Variants in HAO1 observed in about 807,000 individuals in gnomAD.
HAO1 encodes the protein 2-Hydroxyacid oxidase 1.
In HAO1, 34 loss-of-function variants were observed where a neutral mutation model predicts 39.7. The ratio of observed to expected loss-of-function variants is 0.86; its 90% CI spans 0.65 to 1.14. The LOEUF (loss-of-function observed/expected upper bound fraction) is 1.14, where lower values mean the gene tolerates loss of function less well. Ranked by LOEUF, HAO1 falls within the 50% of genes most tolerant of loss-of-function variation. The pLI is 0.00. For synonymous variants in HAO1, 172 were observed against 173.2 expected (o/e 0.99, Z 0.05); for missense variants, 479 against 464.5 (o/e 1.03, Z -0.29).
chr20:7,892,764 G>C (rs1177740430), intron 5 of HAO1, among the ~76,000 whole-genome samples: 2 of 151,866 alleles, frequency 1.3e-5, no homozygotes, highest in African/African-American at 4.8e-5. Context: ...AGATAGATAG[G>C]TAGATAGATA....
At chr20:7,906,015 A>G in intron 4 of HAO1, 139 bp downstream of exon 4, 1 of 693,674 alleles carries the variant, frequency 1.4e-6, no homozygotes, top group South Asian at 1.7e-5. Flanking sequence ...ACTAACATGA[A>G]AACAGAGAAT....
chr20:7,936,109 G>A (rs1033295158), intron 1 of HAO1, among the ~76,000 whole-genome samples: 1 of 152,212 alleles, frequency 6.6e-6, no homozygotes, highest in African/African-American at 2.4e-5. Flanking sequence ...CTAAGGGTCT[G>A]TAATCTAACC....
intron 4 of HAO1, among the ~76,000 whole-genome samples, chr20:7,898,978 A>G (rs955852743): frequency 1.3e-5 from 2 of 151,914 alleles, no homozygotes; most frequent in African/African-American, 4.8e-5. Flanking sequence ...ACTTAAACAT[A>G]GACAATGGTA....
chr20:7,913,025 G>A (rs1183282310), intron 3 of HAO1, among the ~76,000 whole-genome samples: 1 of 152,202 alleles, frequency 6.6e-6, no homozygotes, highest in Non-Finnish European at 1.5e-5. Flanking sequence ...CACAGTCACT[G>A]AAATAGATAT....
chr20:7,916,225 A>G (rs759495628), intron 2 of HAO1, among the ~76,000 whole-genome samples: 1 of 152,220 alleles, frequency 6.6e-6, no homozygotes, highest in Non-Finnish European at 1.5e-5. Flanking sequence ...AGAAACTGAT[A>G]TAATGTTTAT....
chr20:7,898,159 G>C (rs2050205704), intron 4 of HAO1, among the ~76,000 whole-genome samples: 3 of 152,150 alleles, frequency 2.0e-5, no homozygotes, highest in Admixed American at 2.0e-4. Flanking sequence ...GAGCAGGATT[G>C]CTGGCAGGCA....
intron 4 of HAO1, among the ~76,000 whole-genome samples, chr20:7,905,640 G>T (rs2050244233): frequency 6.6e-6 from 1 of 152,156 alleles, no homozygotes; most frequent in South Asian, 2.1e-4. Flanking sequence ...TGATAATTGA[G>T]CATTTGACCA....
chr20:7,897,343 C>T (rs894265990), intron 4 of HAO1, among the ~76,000 whole-genome samples: 2 of 152,136 alleles, frequency 1.3e-5, no homozygotes, highest in Non-Finnish European at 2.9e-5. Context: ...AATTGTTGGT[C>T]TTTAATAATT....
At chr20:7,918,221 C>A (rs143919030) in intron 2 of HAO1, among the ~76,000 whole-genome samples, 1 of 152,174 alleles carries the variant, frequency 6.6e-6, no homozygotes, top group Non-Finnish European at 1.5e-5. Flanking sequence ...TGAGTGATCA[C>A]TCTGATCTCA....
chr20:7,904,778 GTGAA>G (rs1193410942), intron 4 of HAO1, among the ~76,000 whole-genome samples: 1 of 152,144 alleles, frequency 6.6e-6, no homozygotes, highest in Non-Finnish European at 1.5e-5. Context: ...GAATGAGTGA[GTGAA>G]TAAGAGAATG....
At chr20:7,926,404 G>T (rs2050359461) in intron 2 of HAO1, among the ~76,000 whole-genome samples, 1 of 152,090 alleles carries the variant, frequency 6.6e-6, no homozygotes, top group African/African-American at 2.4e-5. Context: ...GTAAAATTGA[G>T]AATAATGGGG....
At chr20:7,901,669 A>G (rs1423714171) in intron 4 of HAO1, among the ~76,000 whole-genome samples, 2 of 152,226 alleles carry the variant, frequency 1.3e-5, no homozygotes, top group Admixed American at 1.3e-4. Flanking sequence ...CCCATGGATC[A>G]AGGAGTAATT....
intron 3 of HAO1, among the ~76,000 whole-genome samples, chr20:7,909,001 A>C (rs1215298010): frequency 6.6e-6 from 1 of 152,144 alleles, no homozygotes; most frequent in East Asian, 1.9e-4. Flanking sequence ...AGAAAAAGAA[A>C]AACATCTGTA....
intron 3 of HAO1, among the ~76,000 whole-genome samples, chr20:7,909,024 C>G (rs999262047): frequency 6.6e-6 from 1 of 152,032 alleles, no homozygotes; most frequent in African/African-American, 2.4e-5. Context: ...TGTATGTAGT[C>G]TGCATGGCAC....
At chr20:7,934,699 G>T in intron 1 of HAO1, 64 bp from the exon 2 acceptor site, 2 of 972,330 alleles carry the variant, frequency 2.1e-6, no homozygotes, top group South Asian at 4.7e-5. Flanking sequence ...CCAAAACTTT[G>T]ACATTACATT....
At chr20:7,920,165 G>C (rs1368117262) in intron 2 of HAO1, among the ~76,000 whole-genome samples, 1 of 152,048 alleles carries the variant, frequency 6.6e-6, no homozygotes, top group African/African-American at 2.4e-5. Flanking sequence ...TCATGCTAGT[G>C]AGTGAGCTCA....
At chr20:7,886,003 A>G in intron 5 of HAO1, 139 bp from the exon 6 acceptor site, 1 of 626,190 alleles carries the variant, frequency 1.6e-6, no homozygotes, top group Non-Finnish European at 2.7e-6. Context: ...TGGTAAAATT[A>G]TTTCCTTCTC....
chr20:7,885,308 T>C (rs1033458755), intron 7 of HAO1, among the ~76,000 whole-genome samples: 1 of 152,128 alleles, frequency 6.6e-6, no homozygotes, highest in Non-Finnish European at 1.5e-5. Flanking sequence ...CTCACCAAAA[T>C]ATTCCTAATA....
intron 3 of HAO1, among the ~76,000 whole-genome samples, chr20:7,910,977 G>T (rs559191295): frequency 6.6e-6 from 1 of 152,070 alleles, no homozygotes; most frequent in East Asian, 1.9e-4. Flanking sequence ...CATTCCTAAT[G>T]TCAAGACTCA....
Sources: gnomAD v4.1 joint callset for allele counts (sites outside exome capture counted in the v4.1 genomes callset) on GRCh38, gnomAD v4.1.1 for gene constraint, MANE v1.5 for transcripts, NCBI Gene and HGNC (gene_info 2026-07-23, HGNC 2026-07-21) for gene names.